The following MUC4 variants were observed in gnomAD, a reference collection of about 807,000 sequenced individuals.
MUC4 encodes the protein mucin 4, cell surface associated.
A neutral mutation model predicts 257.9 loss-of-function variants in MUC4; 202 were observed. That is an observed-to-expected ratio of 0.78 (90% CI 0.70 to 0.88). The LOEUF (loss-of-function observed/expected upper bound fraction) is 0.88. Among genes scored for constraint, MUC4 ranks in the 40% least tolerant of loss-of-function variants. The pLI is 0.00. For missense variants in MUC4, 5,976 were observed against 6,513.7 expected, an observed-to-expected ratio of 0.92 and a Z score of 2.84; for synonymous variants, 2,351 against 2,757.1, an observed-to-expected ratio of 0.85 and a Z score of 4.62.
rs376491086 is a variant in MUC4 at position 195,788,719 on chromosome 3, G to C, written c.2861C>G (p.Thr954Ser). The change falls in exon 2 of 25, where the codon ACC (threonine) becomes AGC (serine). Residue 954 changes from threonine (T) to serine (S), a missense_variant. By Grantham distance (58) the Thr-to-Ser change is moderately conservative (BLOSUM62 1). Transcript: ENST00000463781. ...AGACCCTGAAGGTGACAGAGTGTGG[G>C]TCTCGGTTTGTGGAGATGTAAGCCC... is the stretch of plus-strand genomic sequence containing the variant. ...STGLTSPQTE[T>S]HTLSPSGSGK... The C allele has an allele frequency of 4.0e-5, 64 of 1,611,428 alleles. No homozygotes were observed. The highest frequency in any genetic ancestry group is 4.8e-5 in the Non-Finnish European group (57 of 1,179,332).
Position 195,780,362 on chromosome 3 carries a change from C to T in MUC4, c.11218G>A (p.Gly3740Ser), listed in dbSNP as rs1426791664. The T allele has an allele frequency of 7.0e-6, 10 of 1,425,224 alleles. 1 individual carries two copies. The African/African-American group carries it at 1.7e-4, about 24-fold the overall frequency. The allele number at this position is 1,425,224 out of a possible 1,614,324, so 88.3% of individuals were successfully genotyped here. A position where few individuals can be genotyped will look rare whatever the true frequency, so the allele number is the denominator to read the frequency against. The change falls in exon 2 of 25, where the codon GGT (glycine) becomes AGT (serine). Residue 3740 changes from glycine (G) to serine (S), a missense_variant. Around this residue, in one of 44 missense-constraint regions of MUC4, gnomAD observed 330 missense variants for 262.0 expected, o/e 1.26. Coordinates refer to ENST00000463781, the MANE Select transcript of MUC4 (RefSeq NM_018406.7). ...HVTSPSSAST[G>S]HVTPLPVTST... ...GTGACAGGAAGAGGGGTGACGTGAC[C>T]TGTGGATGCTGAGGAAGGGCTGGTG...
intron 18 of MUC4, among the ~76,000 whole-genome samples, chr3:195,756,464 T>C (rs1289243193): frequency 6.6e-6 from 1 of 152,240 alleles, no homozygotes; most frequent in Non-Finnish European, 1.5e-5. Context: ...AGGTGGGAGA[T>C]AAAAATCCAG....
Position 195,788,656 on chromosome 3 carries a change from G to T in MUC4, c.2924C>A (p.Thr975Asn), listed in dbSNP as rs918262243. ...TFTTALISNA[T>N]PLPVTYASSA... ...GGAAGCGTAGGTGACAGGAAGAGGG[G>T]TGGCGTTGCTGATGAGGGCCGTGGT... The change falls in exon 2 of 25, where the codon ACC becomes AAC. Residue 975 changes from threonine (T) to asparagine (N), a missense_variant. By Grantham distance (65) the Thr-to-Asn change is moderately conservative. Transcript: ENST00000463781. The T allele has an allele frequency of 9.9e-6, 16 of 1,611,390 alleles. No individual in the cohort carries two copies. The highest frequency in any genetic ancestry group is 1.4e-5 in the Non-Finnish European group (16 of 1,178,760).
chr3:195,748,445 T>G (rs1715607121), intron 24 of MUC4, among the ~76,000 whole-genome samples: 1 of 152,244 alleles, frequency 6.6e-6, no homozygotes, highest in South Asian at 2.1e-4. Context: ...ATGCCTGTAG[T>G]CCCAACTACT....
intron 16 of MUC4, among the ~76,000 whole-genome samples, chr3:195,760,507 G>GCGTC (rs1718574817): frequency 9.0e-6 from 1 of 111,174 alleles, no homozygotes; most frequent in Non-Finnish European, 2.3e-5. Context: ...GGCTGGGAAG[G>GCGTC]CATCCAGCGC....
chr3:195,764,120 T>G lies in MUC4; in HGVS notation c.13969A>C (p.Lys4657Gln), dbSNP rs1719876001. The G allele has an allele frequency of 6.3e-7, 1 of 1,598,236 alleles. No individual in the cohort carries two copies. The highest frequency in any genetic ancestry group is 1.1e-5 in the South Asian group (1 of 88,274). The change falls in exon 11 of 25, where the codon AAG (lysine) becomes CAG (glutamine). Residue 4657 changes from lysine to glutamine, a missense_variant. Around this residue, in one of 44 missense-constraint regions of MUC4, gnomAD observed 996 missense variants for 1,137.3 expected, o/e 0.88. Transcript: ENST00000463781. Reference protein sequence around the residue: ...PQSWCCRWNDKPYLCALYQQR... With the variant: ...PQSWCCRWNDQPYLCALYQQR... ...TGGTACAGGGCACAGAGGTAGGGCT[T>G]GTCATTCCAGCGGCAGCACCAGCTC...
rs145408966 is a variant in MUC4 at position 195,779,468 on chromosome 3, T to A, written c.12112A>T (p.Thr4038Ser). Reference protein sequence around the residue: ...GHATPVPVTSTSSASTGDTTP... With the variant: ...GHATPVPVTSSSSASTGDTTP... ...GTGTCACCTGTGGATGCTGAGGAAG[T>A]GCTGGTGACAGGAACAGGGGTGGCG... is the stretch of plus-strand genomic sequence containing the variant. The change falls in exon 2 of 25, where the codon ACT (threonine) becomes TCT (serine). Residue 4038 changes from threonine to serine, a missense_variant. Transcript: ENST00000463781. 4.2e-6 allele frequency: 4 copies of A among 958,904 alleles called. No individual in the cohort carries two copies. The highest frequency in any genetic ancestry group is 4.1e-5 in the African/African-American group (1 of 24,652). The allele number at this position is 958,904 out of a possible 1,614,324, so 59.4% of individuals were successfully genotyped here. A position where few individuals can be genotyped will look rare whatever the true frequency, so the allele number is the denominator to read the frequency against.
rs1733558429 is a variant in MUC4, at chr3:195,789,376, G to A, written c.2204C>T (p.Thr735Ile). Residue 735 changes from threonine (T) to isoleucine (I), a missense_variant, in exon 2 of 25, where the codon ACA becomes ATA. Physicochemically the swap from Thr to Ile is moderately conservative, Grantham distance 89 (BLOSUM62 -1). Transcript: ENST00000463781. ...GPSGGTSLSK[T>I]GALTLANSVV... ...AGAGTTGGCCAGAGTAAGGGCACCT[G>A]TTTTGGAAAGTGACGTGCCTCCTGA... is the stretch of plus-strand genomic sequence containing the variant. 6.2e-7 allele frequency: 1 copy of A among 1,613,798 alleles called. No homozygotes were observed.
rs573617682 is a variant in MUC4, at chr3:195,764,071, C to G, written c.14018G>C (p.Cys4673Ser). 6.2e-7 allele frequency: 1 copy of G among 1,610,746 alleles called. No homozygotes were observed. Among genetic ancestry groups the G allele is most frequent in the Non-Finnish European group, 8.5e-7 (1 of 1,179,098 alleles). The part of the protein sequence containing the change: ...LYQQRRPHVG[C>S]ATYRPPQPAW... ...GGGCTGTGGGGGCCTGTATGTAGCA[C>G]AGCCCACGTGGGGCCGCCTCTGCTG... The change falls in exon 11 of 25, where the codon TGT becomes TCT. Residue 4673 changes from cysteine (C) to serine (S), a missense_variant. By Grantham distance (112) the Cys-to-Ser change is moderately radical. Coordinates refer to ENST00000463781, the MANE Select transcript of MUC4 (RefSeq NM_018406.7).
rs770902810 is a variant in MUC4, at chr3:195,788,694, A to C, written c.2886T>G (p.Ser962=). The change falls in exon 2 of 25, where the codon TCT becomes TCG. Residue 962 remains serine, a synonymous_variant. Coordinates refer to ENST00000463781, the MANE Select transcript of MUC4 (RefSeq NM_018406.7). ...TETHTLSPSG[S]GKTFTTALIS... ...TGAGGGCCGTGGTGAAGGTTTTACC[A>C]GACCCTGAAGGTGACAGAGTGTGGG... The C allele has an allele frequency of 6.2e-7, 1 of 1,613,556 alleles. No individual in the cohort carries two copies. Among genetic ancestry groups the C allele is most frequent in the Admixed American group, 1.7e-5 (1 of 59,930 alleles).
Position 195,761,465 on chromosome 3 carries a change from G to C in MUC4, c.14614+19C>G. 1 of 1,601,982 alleles carries C rather than the reference G, an allele frequency of 6.2e-7. No homozygotes were observed. The highest frequency in any genetic ancestry group is 8.6e-7 in the Non-Finnish European group (1 of 1,169,154). ...TCCCCTCACCTGCCCCTCTGCCCCA[G>C]GACCCTGCCCAGACTCACAGGTCAT... On this transcript the variant is annotated intron_variant, in intron 15 of 24. Transcript: ENST00000463781.
Position 195,789,011 on chromosome 3 carries a change from T to G in MUC4, c.2569A>C (p.Ile857Leu), listed in dbSNP as rs537073569. 111 of 1,613,826 alleles carry G rather than the reference T, an allele frequency of 6.9e-5. 3 individuals are homozygous for G. The South Asian group carries it at 1.2e-3, about 17-fold the overall frequency. Residue 857 changes from isoleucine to leucine, a missense_variant, in exon 2 of 25, where the codon ATC becomes CTC. Physicochemically the swap from Ile to Leu is conservative, Grantham distance 5. This residue lies in a region of MUC4 where 1,583 missense variants were observed against 1,257.4 expected (regional missense o/e 1.26). Transcript: ENST00000463781. ...GACGCCATTCCTGTGCTTACTGGGA[T>G]GGCACCATGACTGGCTGAGGCGGAC... ...LLSASASHGA[I>L]PVSTGMASSI...
At chr3:195,807,104 G>GTTGCAT (rs1736077822) in intron 1 of MUC4, among the ~76,000 whole-genome samples, 1 of 152,172 alleles carries the variant, frequency 6.6e-6, no homozygotes, top group African/African-American at 2.4e-5. Context: ...AAGGCCTCAC[G>GTTGCAT]TGCAACACAA....
In MUC4 at chr3:195,774,174, A is replaced by T; in HGVS notation, c.13075T>A (p.Tyr4359Asn). The T allele has an allele frequency of 6.2e-7, 1 of 1,607,436 alleles. No individual in the cohort carries two copies. Among genetic ancestry groups the T allele is most frequent in the Non-Finnish European group, 8.5e-7 (1 of 1,177,286 alleles). Residue 4359 changes from tyrosine (Y) to asparagine (N), a missense_variant and splice_region_variant, in exon 4 of 25, where the codon TAC becomes AAC. Coordinates refer to ENST00000463781, the MANE Select transcript of MUC4 (RefSeq NM_018406.7). ...PLGSSLRDSL[Y>N]FTDNGQIIFP... ...CGCGGGCCGCAGCCCGGACTCACGT[A>T]GAGGGAATCACGGAGAGAGGAGCCA...
At chr3:195,759,298 G>A in intron 16 of MUC4, 37 bp from the exon 17 acceptor site, 2 of 1,607,724 alleles carry the variant, frequency 1.2e-6, no homozygotes, top group Non-Finnish European at 1.7e-6. Context: ...TCCGAGGCAG[G>A]ACAGTCTCCT....
In MUC4 at chr3:195,791,006, A is replaced by G. The variant is rs1042066705; in HGVS notation, c.574T>C (p.Ser192Pro). Residue 192 changes from serine (S) to proline (P), a missense_variant, in exon 2 of 25, where the codon TCA (serine) becomes CCA (proline). Physicochemically the swap from Ser to Pro is moderately conservative, Grantham distance 74. Around this residue, in one of 44 missense-constraint regions of MUC4, gnomAD observed 1,583 missense variants for 1,257.4 expected, o/e 1.26. Transcript: ENST00000463781. Reference protein sequence around the residue: ...TSWRTSIQDTSASSQNHWTRS... With the variant: ...TSWRTSIQDTPASSQNHWTRS... ...GTCCAGTGGTTCTGAGAAGAAGCTGATGTGTCTTGGATAGAGGTCCTCCAG... is the reference window on the plus strand; with the variant it reads ...GTCCAGTGGTTCTGAGAAGAAGCTGGTGTGTCTTGGATAGAGGTCCTCCAG... 1 of 1,613,662 alleles carries G rather than the reference A, an allele frequency of 6.2e-7. No individual in the cohort carries two copies. Among genetic ancestry groups the G allele is most frequent in the African/African-American group, 1.3e-5 (1 of 74,824 alleles).
chr3:195,762,654 C>T (rs1719392759), intron 13 of MUC4, among the ~76,000 whole-genome samples: 2 of 139,166 alleles, frequency 1.4e-5, no homozygotes, highest in South Asian at 4.4e-4. Flanking sequence ...CCCTGCACCG[C>T]CACGCACCGG....
At chr3:195,767,733 CCACCAT>C (rs1218195976) in intron 7 of MUC4, among the ~76,000 whole-genome samples, 32 of 1,066 alleles carry the variant, frequency 0.03, no homozygotes, top group Non-Finnish European at 0.031. Context: ...ACCATCACCA[CCACCAT>C]CACCATCGCC....
At chr3:195,767,560 ATTG>A (rs1406567755) in intron 7 of MUC4, among the ~76,000 whole-genome samples, 1,669 of 36,880 alleles carry the variant, frequency 0.045, 30 homozygotes, top group East Asian at 0.091. Context: ...CACCATTACC[ATTG>A]CCACCACCAT....
Sources: allele counts gnomAD v4.1 joint callset (sites outside exome capture counted in the v4.1 genomes callset), GRCh38; gene constraint gnomAD v4.1.1; regional missense constraint gnomAD v4.1.1; transcripts MANE v1.5; gene names NCBI Gene and HGNC (gene_info 2026-07-23, HGNC 2026-07-21).